SUPT7L: variants seen among roughly 807,000 people sequenced by gnomAD.
SUPT7L encodes the protein STAGA complex 65 subunit gamma.
Under a neutral mutation model 35.7 loss-of-function variants are expected in SUPT7L, and 15 were observed. The observed-to-expected ratio is 0.42, with a 90% CI of 0.28 to 0.65. The LOEUF (loss-of-function observed/expected upper bound fraction) is 0.65, where lower values mean the gene tolerates loss of function less well. Among genes scored for constraint, SUPT7L ranks in the 30% least tolerant of loss-of-function variants. The pLI, the probability that SUPT7L is intolerant of heterozygous loss-of-function variation, is 0.23. For synonymous variants in SUPT7L, 168 were observed against 186.2 expected, an observed-to-expected ratio of 0.90 and a Z score of 0.79; for missense variants, 434 against 522.2, an observed-to-expected ratio of 0.83 and a Z score of 1.65.
At chr2:27,661,887 T>C (rs1675129870) in intron 2 of SUPT7L, 1 of 473,298 alleles carries the variant, frequency 2.1e-6, no homozygotes, top group Non-Finnish European at 3.8e-6. Context: ...TAATAAGAAG[T>C]GGTTCTTACT....
chr2:27,644,389 A>T, the SUPT7L span, among the ~76,000 whole-genome samples: 1 of 152,152 alleles, frequency 6.6e-6, no homozygotes, highest in African/African-American at 2.4e-5. Context: ...CCTATCAGTT[A>T]TCCTTTGACT....
chr2:27,662,283 T>C lies in SUPT7L; in HGVS notation c.-89-2A>G. ...GACTGATAATGTGAGATCCTTGCCC[T>C]GAAGTGAGGAAGAGAAACAGAAGCA... On this transcript the variant is annotated splice_acceptor_variant, in intron 1 of 5. Transcript: ENST00000337768. LOFTEE classifies it low-confidence loss of function (5UTR_SPLICE). 5 of 1,384,102 alleles carry C rather than the reference T, an allele frequency of 3.6e-6. No homozygotes were observed. The highest frequency in any genetic ancestry group is 5.1e-6 in the Non-Finnish European group (5 of 971,704). The allele number at this position is 1,384,102 out of a possible 1,614,324, so 85.7% of individuals were successfully genotyped here. A position where few individuals can be genotyped will look rare whatever the true frequency, so the allele number is the denominator to read the frequency against.
At position 27,653,537 on chromosome 2, in the gene SUPT7L, C is replaced by G. The variant is rs763182708; in HGVS notation, c.1193G>C (p.Gly398Ala). The G allele has an allele frequency of 2.5e-6, 4 of 1,614,160 alleles. No homozygotes were observed. Among genetic ancestry groups the G allele is most frequent in the East Asian group, 2.2e-5 (1 of 44,870 alleles). ...YGSHSTDSLM[G>A]SSPVFNQRCK... ...GCGCTGGTTGAAAACAGGGGAGGAC[C>G]CCATGAGGCTGTCAGTGGAGTGGGA... The change falls in exon 6 of 6, where the codon GGG becomes GCG. Residue 398 changes from glycine to alanine, a missense_variant. By Grantham distance (60) the Gly-to-Ala change is moderately conservative. Coordinates refer to ENST00000337768, the MANE Select transcript of SUPT7L (RefSeq NM_014860.3).
the SUPT7L span, among the ~76,000 whole-genome samples, chr2:27,644,061 T>A: frequency 6.6e-6 from 1 of 152,148 alleles, no homozygotes; most frequent in Non-Finnish European, 1.5e-5. Context: ...ATGTCTGTAA[T>A]TCCAGCTACT....
At chr2:27,646,288 C>G (rs1460072679), downstream of SUPT7L, among the ~76,000 whole-genome samples, 1 of 152,148 alleles carries the variant, frequency 6.6e-6, no homozygotes, top group East Asian at 1.9e-4. Context: ...GTGATCTGCC[C>G]ATTTCAGCCT....
chr2:27,656,633 T>C (rs976320105), intron 4 of SUPT7L, among the ~76,000 whole-genome samples: 2 of 148,716 alleles, frequency 1.3e-5, no homozygotes, highest in African/African-American at 5.2e-5. Flanking sequence ...TAGGTCTGTG[T>C]TCTCTTTTTT....
At position 27,663,362 on chromosome 2, in the gene SUPT7L, A is replaced by G. The variant is rs1011966858; in HGVS notation, c.-123T>C. The G allele has an allele frequency of 1.1e-5, 2 of 187,762 alleles. No homozygotes were observed. The highest frequency in any genetic ancestry group is 2.3e-5 in the Non-Finnish European group (2 of 88,274). The allele number at this position is 187,762 out of a possible 1,614,324, so 11.6% of individuals were successfully genotyped here. A position where few individuals can be genotyped will look rare whatever the true frequency, so the allele number is the denominator to read the frequency against. On this transcript the variant is annotated 5_prime_UTR_variant, in exon 1 of 6. Coordinates refer to ENST00000337768, the MANE Select transcript of SUPT7L (RefSeq NM_014860.3). ...GCACGAAGAACAGGCACGGAGCCCA[A>G]GGAATGCCCAAGTCCCTCCAGGGGT...
At chr2:27,656,114 G>A (rs1674796541) in intron 4 of SUPT7L, among the ~76,000 whole-genome samples, 1 of 151,838 alleles carries the variant, frequency 6.6e-6, no homozygotes, top group Admixed American at 6.6e-5. Flanking sequence ...GTAGTGAGCT[G>A]TGATTGTGCC....
chr2:27,662,706 T>A (rs1234037444), intron 1 of SUPT7L, among the ~76,000 whole-genome samples: 1 of 152,206 alleles, frequency 6.6e-6, no homozygotes, highest in Non-Finnish European at 1.5e-5. Context: ...ATGGCTGTGG[T>A]CTTGTTACAG....
rs1213861596 is a variant in SUPT7L, at chr2:27,653,759, G to A, written c.983-12C>T. 6.2e-7 allele frequency: 1 copy of A among 1,614,076 alleles called. No individual in the cohort carries two copies. The highest frequency in any genetic ancestry group is 1.6e-4 in the Middle Eastern group (1 of 6,062). The stretch of plus-strand genomic sequence containing the variant: ...ATTTACCTCTGCACCTAGAAACAGA[G>A]GAAAGATGGACATACACCAAGTGTA... On this transcript the variant is annotated splice_polypyrimidine_tract_variant and intron_variant, in intron 5 of 5. Coordinates refer to ENST00000337768, the MANE Select transcript of SUPT7L (RefSeq NM_014860.3).
rs997393740 is a variant in SUPT7L at position 27,651,064 on chromosome 2, T to C, written c.*2421A>G. 3 of 152,364 alleles carry C rather than the reference T, an allele frequency of 2.0e-5. No homozygotes were observed. 9.4% of individuals were successfully genotyped at this position (152,364 alleles called of 1,614,324 possible). The stretch of plus-strand genomic sequence containing the variant: ...CTCTGAACTTAATGCAAAGTCTCCT[T>C]GGTGATTTTCGCAAAGTCCGTGGAT... On this transcript the variant is annotated 3_prime_UTR_variant, in exon 6 of 6. Transcript: ENST00000337768.
rs1236199789 is a variant in SUPT7L at position 27,653,558 on chromosome 2, T to G, written c.1172A>C (p.His391Pro). 6.2e-7 allele frequency: 1 copy of G among 1,614,154 alleles called. No homozygotes were observed. Among genetic ancestry groups the G allele is most frequent in the East Asian group, 2.2e-5 (1 of 44,872 alleles). The change falls in exon 6 of 6, where the codon CAC becomes CCC. Residue 391 changes from histidine (H) to proline (P), a missense_variant. Coordinates refer to ENST00000337768, the MANE Select transcript of SUPT7L (RefSeq NM_014860.3). ...GGACCCCATGAGGCTGTCAGTGGAG[T>G]GGGAACCATAGCTGCTATCTGAGTC... ...PDDSDSSYGS[H>P]STDSLMGSSP... is the part of the protein sequence containing the mutation.
intron 5 of SUPT7L, 33 bp from the exon 6 acceptor site, chr2:27,653,780 G>C (rs1320426281): frequency 1.2e-6 from 2 of 1,612,940 alleles, no homozygotes; most frequent in Non-Finnish European, 1.7e-6. Context: ...CATACACCAA[G>C]TGTATATGTG....
chr2:27,654,732 T>C (rs1390655201), intron 5 of SUPT7L, among the ~76,000 whole-genome samples: 2 of 152,120 alleles, frequency 1.3e-5, no homozygotes. Flanking sequence ...ACGCCCAGCA[T>C]ATTTTTTGTA....
downstream of SUPT7L, among the ~76,000 whole-genome samples, chr2:27,645,838 T>C (rs986296596): frequency 5.3e-5 from 8 of 151,844 alleles, no homozygotes; most frequent in Non-Finnish European, 1.0e-4. Flanking sequence ...CAAGCTATTC[T>C]CCTGCCTCAG....
At chr2:27,661,989 A>C in intron 2 of SUPT7L, 190 bp downstream of exon 2, 1 of 724,786 alleles carries the variant, frequency 1.4e-6, no homozygotes, top group Non-Finnish European at 2.3e-6. Flanking sequence ...ATAGAACGTG[A>C]GAGATTTCTG....
At chr2:27,650,203 GACTTTAGC>G (rs1157763896), downstream of SUPT7L, 1 of 1,544,916 alleles carries the variant, frequency 6.5e-7, no homozygotes, top group Non-Finnish European at 8.9e-7. Flanking sequence ...ATAAATAGGA[GACTTTAGC>G]ACACTTCACT....
intron 1 of SUPT7L, among the ~76,000 whole-genome samples, chr2:27,662,535 T>C (rs1675162804): frequency 6.6e-6 from 1 of 152,200 alleles, no homozygotes. Flanking sequence ...CAGACTCATA[T>C]TCATTTTTAA....
At chr2:27,645,879 G>T (rs1425733224), downstream of SUPT7L, among the ~76,000 whole-genome samples, 1 of 151,786 alleles carries the variant, frequency 6.6e-6, no homozygotes, top group East Asian at 1.9e-4. Flanking sequence ...AGAGGTGCCT[G>T]CCACCATGCC....
Sources: gnomAD v4.1 joint callset for allele counts (sites outside exome capture counted in the v4.1 genomes callset) on GRCh38, gnomAD v4.1.1 for gene constraint, MANE v1.5 for transcripts, NCBI Gene and HGNC (gene_info 2026-07-23, HGNC 2026-07-21) for gene names.